ADORA2B: variants seen among roughly 807,000 people sequenced by gnomAD.
The protein encoded by ADORA2B is adenosine receptor A2b.
In ADORA2B, 18 loss-of-function variants were observed where a neutral mutation model predicts 20.8. That is an observed-to-expected ratio of 0.87 (90% CI 0.60 to 1.29). The LOEUF (loss-of-function observed/expected upper bound fraction) is 1.29, where lower values mean the gene tolerates loss of function less well. ADORA2B is among the 50% of genes most tolerant of loss of function. The pLI is 0.00. For missense variants in ADORA2B, 441 were observed against 422.7 expected (o/e 1.04, Z -0.38); for synonymous variants, 179 against 178.3 (o/e 1.00, Z -0.03).
chr17:15,919,637 G>A, the ADORA2B span, among the ~76,000 whole-genome samples: 24 of 152,270 alleles, frequency 1.6e-4, no homozygotes, highest in South Asian at 5.0e-3. Context: ...GGAAATGGGT[G>A]CCTTGAAGCC....
At chr17:15,854,726 G>GA in the ADORA2B span, among the ~76,000 whole-genome samples, 1 of 152,162 alleles carries the variant, frequency 6.6e-6, no homozygotes, top group Admixed American at 6.5e-5. Flanking sequence ...GAATGCTTTG[G>GA]AAAACCTCAC....
chr17:15,886,192 G>A, the ADORA2B span, among the ~76,000 whole-genome samples: 1 of 152,186 alleles, frequency 6.6e-6, no homozygotes, highest in Non-Finnish European at 1.5e-5. Flanking sequence ...TAGAAAGAAA[G>A]AACCAGACTT....
the ADORA2B span, among the ~76,000 whole-genome samples, chr17:15,936,611 C>A: frequency 2.0e-5 from 3 of 152,188 alleles, no homozygotes; most frequent in Non-Finnish European, 4.4e-5. Flanking sequence ...TGAGCCACTG[C>A]ACCTGGCCCC....
chr17:15,904,512 C>A, the ADORA2B span, among the ~76,000 whole-genome samples: 1 of 151,644 alleles, frequency 6.6e-6, no homozygotes, highest in African/African-American at 2.4e-5. Flanking sequence ...CTCAGCCTCC[C>A]GGGTAACTGG....
At chr17:15,912,205 ACT>A in the ADORA2B span, among the ~76,000 whole-genome samples, 1 of 124,132 alleles carries the variant, frequency 8.1e-6, no homozygotes, top group Non-Finnish European at 1.7e-5. Flanking sequence ...ACAGAATAAG[ACT>A]CTGTCTCAAA....
chr17:15,957,534 A>T (rs768444757), intron 1 of ADORA2B, among the ~76,000 whole-genome samples: 2 of 152,164 alleles, frequency 1.3e-5, no homozygotes, highest in East Asian at 1.9e-4. Flanking sequence ...AGACTCCAGG[A>T]TGACTCCCAG....
the ADORA2B span, among the ~76,000 whole-genome samples, chr17:15,892,950 C>T: frequency 3.3e-5 from 5 of 152,284 alleles, no homozygotes; most frequent in African/African-American, 9.6e-5. Flanking sequence ...GTGGGCTGTG[C>T]GGTTTTGCTT....
At chr17:15,863,265 T>C in the ADORA2B span, among the ~76,000 whole-genome samples, 2 of 152,206 alleles carry the variant, frequency 1.3e-5, no homozygotes, top group Non-Finnish European at 1.5e-5. Context: ...TTTATTTCAA[T>C]TTTACATTTA....
upstream of ADORA2B, among the ~76,000 whole-genome samples, chr17:15,943,017 T>G (rs1567774279): frequency 6.6e-6 from 1 of 152,222 alleles, no homozygotes; most frequent in African/African-American, 2.4e-5. Flanking sequence ...CTGATCTCTC[T>G]GGCCTTCTGT....
At chr17:15,878,841 A>G in the ADORA2B span, among the ~76,000 whole-genome samples, 6 of 152,184 alleles carry the variant, frequency 3.9e-5, no homozygotes, top group Non-Finnish European at 8.8e-5. Context: ...TGAGCTATTC[A>G]TATGGTTTCT....
the ADORA2B span, among the ~76,000 whole-genome samples, chr17:15,905,582 A>G: frequency 6.6e-6 from 1 of 151,344 alleles, no homozygotes; most frequent in Non-Finnish European, 1.5e-5. Flanking sequence ...GGTTTTCACC[A>G]TGTTAGCTAG....
At chr17:15,971,685 A>C (rs1307568398) in intron 1 of ADORA2B, among the ~76,000 whole-genome samples, 1 of 142,858 alleles carries the variant, frequency 7.0e-6, no homozygotes, top group East Asian at 2.0e-4. Context: ...GTTGGAGTGC[A>C]ATGGTGTAAT....
At chr17:15,964,601 G>A (rs1373563940) in intron 1 of ADORA2B, among the ~76,000 whole-genome samples, 1 of 137,334 alleles carries the variant, frequency 7.3e-6, no homozygotes, top group Non-Finnish European at 1.5e-5. Flanking sequence ...GGCGACAAGA[G>A]CAAGACTCTG....
At chr17:15,893,621 C>T in the ADORA2B span, among the ~76,000 whole-genome samples, 3 of 152,106 alleles carry the variant, frequency 2.0e-5, no homozygotes, top group East Asian at 5.8e-4. Context: ...CAGCATTTTT[C>T]AAAGCCTATT....
At chr17:15,959,620 C>A (rs1177615947) in intron 1 of ADORA2B, among the ~76,000 whole-genome samples, 1 of 151,874 alleles carries the variant, frequency 6.6e-6, no homozygotes, top group African/African-American at 2.4e-5. Flanking sequence ...CCTGCCTCAG[C>A]CTCCCGAGTA....
At chr17:15,883,363 T>C in the ADORA2B span, among the ~76,000 whole-genome samples, 1 of 152,248 alleles carries the variant, frequency 6.6e-6, no homozygotes, top group Admixed American at 6.5e-5. Flanking sequence ...TAAAACTGTG[T>C]ATTAACTTAT....
chr17:15,962,461 T>C (rs959452858), intron 1 of ADORA2B, among the ~76,000 whole-genome samples: 1 of 152,212 alleles, frequency 6.6e-6, no homozygotes, highest in Non-Finnish European at 1.5e-5. Flanking sequence ...TTAATGTCAG[T>C]ATGGACTTAC....
the ADORA2B span, among the ~76,000 whole-genome samples, chr17:15,919,203 G>T: frequency 2.0e-5 from 3 of 152,172 alleles, no homozygotes; most frequent in Admixed American, 6.5e-5. Flanking sequence ...CACTGGAGGT[G>T]TCTTGTTCTA....
chr17:15,926,495 T>C, the ADORA2B span, among the ~76,000 whole-genome samples: 1 of 151,760 alleles, frequency 6.6e-6, no homozygotes, highest in Non-Finnish European at 1.5e-5. Context: ...GGGGGAGAGC[T>C]TGATGGGTGG....
Sources: gnomAD v4.1 joint callset for allele counts (sites outside exome capture counted in the v4.1 genomes callset) on GRCh38, gnomAD v4.1.1 for gene constraint, MANE v1.5 for transcripts, NCBI Gene and HGNC (gene_info 2026-07-23, HGNC 2026-07-21) for gene names.